Variants in IL1RAPL1 observed in about 807,000 individuals in gnomAD.
IL1RAPL1 encodes the protein interleukin 1 receptor accessory protein like 1.
In IL1RAPL1, 3 loss-of-function variants were observed where a neutral mutation model predicts 48.4. The observed-to-expected ratio is 0.06, with a 90% CI of 0.03 to 0.16. The LOEUF is 0.16. Among genes scored for constraint, IL1RAPL1 ranks in the 10% least tolerant of loss-of-function variants. IL1RAPL1 has a pLI of 1.00. For missense variants in IL1RAPL1, 349 were observed against 530.6 expected (o/e 0.66, Z 3.36); for synonymous variants, 185 against 187.7 (o/e 0.99, Z 0.12).
At chrX:28,699,968 A>G (rs1044149637) in intron 1 of IL1RAPL1, among the ~76,000 whole-genome samples, 2 of 111,589 alleles carry the variant, frequency 1.8e-5, no homozygotes, top group African/African-American at 3.3e-5. Context: ...CAGATATGCC[A>G]ATGGAAAGAT....
chrX:29,747,768 A>G (rs1032778847), intron 6 of IL1RAPL1, among the ~76,000 whole-genome samples: 15 of 112,648 alleles, frequency 1.3e-4, no homozygotes, highest in African/African-American at 4.8e-4. Context: ...ATTAATTCAT[A>G]AGCTATTTTG....
intron 5 of IL1RAPL1, among the ~76,000 whole-genome samples, chrX:29,438,048 A>G (rs1224594804): frequency 9.0e-6 from 1 of 110,823 alleles, no homozygotes; most frequent in Non-Finnish European, 1.9e-5. Flanking sequence ...TTATGAATTC[A>G]GTTTTCTTGA....
chrX:29,031,419 T>C (rs771827381), intron 2 of IL1RAPL1, among the ~76,000 whole-genome samples: 1 of 111,524 alleles, frequency 9.0e-6, no homozygotes, highest in South Asian at 3.7e-4. Context: ...CTTAATGACA[T>C]AAAGAATGAG....
rs1933426652 is a variant in IL1RAPL1 at position 29,956,534 on chromosome X, G to C, written c.*714G>C. On this transcript the variant is annotated 3_prime_UTR_variant, in exon 11 of 11. Coordinates refer to ENST00000378993, the MANE Select transcript of IL1RAPL1 (RefSeq NM_014271.4). ...TCACTGCTCTTCAGAATACACTCTA[G>C]ACCCAAAGGTGTGCTAATCACTTCA... 9.4e-6 allele frequency: 1 copy of C among 106,684 alleles called. No homozygotes were observed. Among genetic ancestry groups the C allele is most frequent in the African/African-American group, 3.4e-5 (1 of 29,140 alleles). The allele number at this position is 106,684 out of a possible 1,213,427, so 8.8% of individuals were successfully genotyped here. A position where few individuals can be genotyped will look rare whatever the true frequency, so the allele number is the denominator to read the frequency against.
At chrX:29,397,777 CAT>C (rs1222826741) in intron 4 of IL1RAPL1, among the ~76,000 whole-genome samples, 8 of 111,030 alleles carry the variant, frequency 7.2e-5, no homozygotes, top group African/African-American at 2.3e-4. Context: ...TCTTAGTACT[CAT>C]GTGTGACATC....
intron 5 of IL1RAPL1, among the ~76,000 whole-genome samples, chrX:29,618,640 C>T (rs760329068): frequency 8.9e-6 from 1 of 111,982 alleles, no homozygotes; most frequent in South Asian, 3.7e-4. Context: ...CTCTCTTTGC[C>T]TCCGTCTTAG....
intron 6 of IL1RAPL1, among the ~76,000 whole-genome samples, chrX:29,909,028 A>G (rs1364147256): frequency 9.0e-6 from 1 of 111,654 alleles, no homozygotes; most frequent in African/African-American, 3.3e-5. Context: ...AAAACATCTC[A>G]TTGCTTTGTT....
chrX:29,917,194 G>A (rs1932806093), intron 6 of IL1RAPL1, among the ~76,000 whole-genome samples: 1 of 112,041 alleles, frequency 8.9e-6, no homozygotes, highest in Admixed American at 9.5e-5. Context: ...GAAAACATCA[G>A]GCAAACCGAA....
intron 2 of IL1RAPL1, among the ~76,000 whole-genome samples, chrX:29,126,091 A>C (rs1928894016): frequency 9.0e-6 from 1 of 111,296 alleles, no homozygotes; most frequent in Admixed American, 9.6e-5. Context: ...AAATTTTCAA[A>C]TTGTTGTTAG....
At chrX:29,610,704 C>T (rs1037183376) in intron 5 of IL1RAPL1, among the ~76,000 whole-genome samples, 2 of 112,459 alleles carry the variant, frequency 1.8e-5, no homozygotes, top group Non-Finnish European at 3.8e-5. Context: ...GGGTGTGACT[C>T]GTTTGTTAGT....
At chrX:29,809,117 G>T (rs1476342193) in intron 6 of IL1RAPL1, among the ~76,000 whole-genome samples, 1 of 102,688 alleles carries the variant, frequency 9.7e-6, no homozygotes, top group Non-Finnish European at 2.0e-5. Flanking sequence ...GGGGTGGGGG[G>T]ATACAGTTTC....
chrX:29,178,496 C>G (rs1405226836), intron 2 of IL1RAPL1, among the ~76,000 whole-genome samples: 1 of 111,688 alleles, frequency 9.0e-6, no homozygotes, highest in Non-Finnish European at 1.9e-5. Flanking sequence ...TAGATATTAG[C>G]CCTTTGTCAG....
At chrX:28,894,087 C>T (rs1455985138) in intron 2 of IL1RAPL1, among the ~76,000 whole-genome samples, 3 of 111,587 alleles carry the variant, frequency 2.7e-5, no homozygotes, top group South Asian at 7.4e-4. Context: ...CTTTGAGAAG[C>T]GTTTTTTTAT....
chrX:29,002,049 C>A (rs1925866617), intron 2 of IL1RAPL1, among the ~76,000 whole-genome samples: 2 of 109,426 alleles, frequency 1.8e-5, no homozygotes, highest in Non-Finnish European at 3.8e-5. Flanking sequence ...GTGCATGCCA[C>A]TATGTCCGGC....
chrX:29,429,259 G>A (rs985465321), intron 5 of IL1RAPL1, among the ~76,000 whole-genome samples: 39 of 112,131 alleles, frequency 3.5e-4, no homozygotes, highest in Middle Eastern at 4.6e-3. Context: ...GTAAGTAGCA[G>A]TCTGTCTGTT....
intron 8 of IL1RAPL1, among the ~76,000 whole-genome samples, chrX:29,937,244 T>G (rs1028384604): frequency 9.8e-5 from 11 of 112,412 alleles, no homozygotes; most frequent in African/African-American, 3.6e-4. Flanking sequence ...CCTTCTGTCC[T>G]CAGATGTTGA....
chrX:29,596,920 G>A (rs185324608), intron 5 of IL1RAPL1, among the ~76,000 whole-genome samples: 2 of 111,309 alleles, frequency 1.8e-5, no homozygotes, highest in African/African-American at 6.5e-5. Context: ...TGCTGATTTT[G>A]CTGAGAGTTT....
Position 28,761,898 on chromosome X carries a change from A to G in IL1RAPL1, c.-24-27422A>G, listed in dbSNP as rs750127728. ...AAGAGTCAGTCATACCTGGGTTTGAATCCTGGCTCTCCGGCTTACTAACAA... is the reference window on the plus strand; with the variant it reads ...AAGAGTCAGTCATACCTGGGTTTGAGTCCTGGCTCTCCGGCTTACTAACAA... On this transcript the variant is annotated intron_variant, in intron 1 of 10. Coordinates refer to ENST00000378993, the MANE Select transcript of IL1RAPL1 (RefSeq NM_014271.4). Among the ~76,000 whole-genome samples the G allele has an allele frequency of 1.9e-4, 21 of 112,077 alleles. No individual in the cohort carries two copies. In the South Asian group the frequency reaches 6.3e-3, roughly 34 times the overall value.
intron 6 of IL1RAPL1, among the ~76,000 whole-genome samples, chrX:29,791,320 G>C (rs745858214): frequency 9.0e-6 from 1 of 111,293 alleles, no homozygotes; most frequent in African/African-American, 3.3e-5. Flanking sequence ...GCTGTTTACA[G>C]ATTTACTGAA....
Sources: allele counts gnomAD v4.1 joint callset (sites outside exome capture counted in the v4.1 genomes callset), GRCh38; gene constraint gnomAD v4.1.1; transcripts MANE v1.5; gene names NCBI Gene and HGNC (gene_info 2026-07-23, HGNC 2026-07-21).